GDAP2: variants seen among roughly 807,000 people sequenced by gnomAD.
GDAP2 encodes the protein ganglioside induced differentiation associated protein 2, also known as ganglioside-induced differentiation-associated protein 2.
GDAP2 carries 51 observed loss-of-function variants against 67.0 expected under a neutral mutation model. The observed-to-expected ratio is 0.76, with a 90% CI of 0.61 to 0.96. The LOEUF (loss-of-function observed/expected upper bound fraction) is 0.96, where lower values mean the gene tolerates loss of function less well. GDAP2 is among the 40% of genes least tolerant of loss of function. The pLI, the probability that GDAP2 is intolerant of heterozygous loss-of-function variation, is 0.00. For synonymous variants in GDAP2, 203 were observed against 207.3 expected, an observed-to-expected ratio of 0.98 and a Z score of 0.18; for missense variants, 547 against 588.3, an observed-to-expected ratio of 0.93 and a Z score of 0.73.
intron 9 of GDAP2, 67 bp from the exon 10 acceptor site, chr1:117,886,720 T>C (rs559792899): frequency 1.0e-4 from 85 of 836,800 alleles, no homozygotes; most frequent in Middle Eastern, 2.2e-4. Flanking sequence ...TCTTGGGCTC[T>C]GACTTTATAA....
intron 9 of GDAP2, 123 bp from the exon 10 acceptor site, chr1:117,886,776 T>C (rs532783334): frequency 4.9e-6 from 3 of 612,872 alleles, no homozygotes; most frequent in South Asian, 4.5e-5. Flanking sequence ...GAAGTATAAG[T>C]TGCTCAAATT....
chr1:117,873,720 C>G (rs1179117237), intron 13 of GDAP2, among the ~76,000 whole-genome samples: 2 of 152,152 alleles, frequency 1.3e-5, no homozygotes, highest in Non-Finnish European at 2.9e-5. Flanking sequence ...AATTGCTTCT[C>G]TGTGGTGGTA....
rs145768791 is a variant in GDAP2, at chr1:117,875,354, G to C, written c.1446+2655C>G. Among the ~76,000 whole-genome samples the C allele has an allele frequency of 1.5e-3, 223 of 152,338 alleles. 4 individuals carry two copies. In the East Asian group the frequency reaches 0.041, roughly 28 times the overall value. On this transcript the variant is annotated intron_variant, in intron 13 of 13. Coordinates refer to ENST00000369443, the MANE Select transcript of GDAP2 (RefSeq NM_017686.4). ...CAGCTCTGGAGGGTGCAAGCTATAA[G>C]CTTTGGTGGCTTCCATGTGGTGTTA...
rs543547225 is a variant in GDAP2 at position 117,868,695 on chromosome 1, T to C, written c.*1874A>G. 28 of 152,132 alleles carry C rather than the reference T, an allele frequency of 1.8e-4. No homozygotes were observed. The highest frequency in any genetic ancestry group is 6.3e-4 in the African/African-American group (26 of 41,526). 9.4% of individuals were successfully genotyped at this position (152,132 alleles called of 1,614,324 possible). On this transcript the variant is annotated 3_prime_UTR_variant, in exon 14 of 14. Coordinates refer to ENST00000369443, the MANE Select transcript of GDAP2 (RefSeq NM_017686.4). ...TCAAATATGATCTCACGATTGACTG[T>C]AGAAGATGAAGTTAAAGTTGCAGAC...
chr1:117,919,202 A>G (rs890285321), intron 2 of GDAP2, among the ~76,000 whole-genome samples: 2 of 152,112 alleles, frequency 1.3e-5, no homozygotes, highest in African/African-American at 4.8e-5. Context: ...GTGAAACCCC[A>G]TCTTTATTAA....
In GDAP2 at chr1:117,900,225, C is replaced by T. The variant is rs112328193; in HGVS notation, c.637-1009G>A. 3.0e-4 allele frequency among the ~76,000 whole-genome samples: 45 copies of T among 152,218 alleles called. No individual in the cohort carries two copies. In the East Asian group the frequency reaches 3.7e-3, roughly 12 times the overall value. On this transcript the variant is annotated intron_variant, in intron 6 of 13. Coordinates refer to ENST00000369443, the MANE Select transcript of GDAP2 (RefSeq NM_017686.4). ...CAAACTCCTGGACTCAAGCATTTTT[C>T]CCATCTCAACTTCCCAAGTAGCTGG...
Position 117,881,726 on chromosome 1 carries a change from G to A in GDAP2, c.1302+97C>T, listed in dbSNP as rs536877351. 1.7e-5 allele frequency: 13 copies of A among 746,632 alleles called. 1 individual carries two copies. Among genetic ancestry groups the A allele is most frequent in the South Asian group, 1.4e-4 (9 of 66,046 alleles). The allele number at this position is 746,632 out of a possible 1,614,324, so 46.3% of individuals were successfully genotyped here. A position where few individuals can be genotyped will look rare whatever the true frequency, so the allele number is the denominator to read the frequency against. On this transcript the variant is annotated intron_variant, in intron 12 of 13. Transcript: ENST00000369443. Reference sequence around the variant, plus strand: ...AACCAGGAAATTAGCAGTCACAATGGTGACAGCAACAATTAAGTTGCTGAG... The same window carrying A: ...AACCAGGAAATTAGCAGTCACAATGATGACAGCAACAATTAAGTTGCTGAG...
chr1:117,874,050 T>G (rs897638563), intron 13 of GDAP2, among the ~76,000 whole-genome samples: 1 of 152,218 alleles, frequency 6.6e-6, no homozygotes, highest in African/African-American at 2.4e-5. Flanking sequence ...CACTCTTCAC[T>G]GACTACAAAG....
rs1477488819 is a variant in GDAP2, at chr1:117,878,046, A to G, written c.1409T>C (p.Ile470Thr). Residue 470 changes from isoleucine to threonine, a missense_variant, in exon 13 of 14, where the codon ATT (isoleucine) becomes ACT (threonine). Ile to Thr is a moderately conservative substitution (Grantham distance 89). Transcript: ENST00000369443. ...TTCAAGGACAAAAGGAGGAAAGTCA[A>G]TCTGTTCTGGTGATATGGCAGAAAA... ...QLFSAISPEQIDFPPFVLEYD... is the reference protein window; with the variant it reads ...QLFSAISPEQTDFPPFVLEYD... 2.5e-6 allele frequency: 4 copies of G among 1,612,862 alleles called. No individual in the cohort carries two copies. The highest frequency in any genetic ancestry group is 1.1e-5 in the South Asian group (1 of 91,038).
At position 117,868,362 on chromosome 1, in the gene GDAP2, A is replaced by G. The variant is rs918870882; in HGVS notation, c.*2207T>C. The G allele has an allele frequency of 3.9e-5, 6 of 152,162 alleles. No individual in the cohort carries two copies. Among genetic ancestry groups the G allele is most frequent in the African/African-American group, 1.4e-4 (6 of 41,448 alleles). 9.4% of individuals were successfully genotyped at this position (152,162 alleles called of 1,614,324 possible). A position where few individuals can be genotyped will look rare whatever the true frequency, so the allele number is the denominator to read the frequency against. ...ATTATAAAACACAGTTGATATGTAT[A>G]TAGTTCTGTATCACCTTTATACCCT... On this transcript the variant is annotated 3_prime_UTR_variant, in exon 14 of 14. Coordinates refer to ENST00000369443, the MANE Select transcript of GDAP2 (RefSeq NM_017686.4).
At chr1:117,907,143 T>C (rs1272722873) in intron 5 of GDAP2, among the ~76,000 whole-genome samples, 8 of 152,208 alleles carry the variant, frequency 5.3e-5, no homozygotes. Flanking sequence ...TTCTTCTTTA[T>C]CAACTTCTAA....
intron 13 of GDAP2, chr1:117,877,344 C>T (rs1570964609): frequency 2.0e-6 from 2 of 980,140 alleles, no homozygotes; most frequent in Admixed American, 1.2e-4. Flanking sequence ...TAAAGATAAG[C>T]AATCAGCAAC....
At chr1:117,877,158 C>T in intron 13 of GDAP2, 3 of 277,160 alleles carry the variant, frequency 1.1e-5, no homozygotes, top group Non-Finnish European at 1.1e-5. Flanking sequence ...TCACATTATA[C>T]ACTTTACTCT....
At chr1:117,914,306 G>A (rs1020258915) in intron 3 of GDAP2, among the ~76,000 whole-genome samples, 1 of 152,094 alleles carries the variant, frequency 6.6e-6, no homozygotes, top group Non-Finnish European at 1.5e-5. Context: ...AACAGGAAAT[G>A]GCACTTATGT....
At chr1:117,875,932 C>T (rs764171999) in intron 13 of GDAP2, among the ~76,000 whole-genome samples, 15 of 152,070 alleles carry the variant, frequency 9.9e-5, no homozygotes, top group Admixed American at 3.3e-4. Flanking sequence ...AGGAACTTGC[C>T]TTGAGTCTCC....
intron 3 of GDAP2, among the ~76,000 whole-genome samples, chr1:117,913,142 A>G: frequency 6.6e-6 from 1 of 152,180 alleles, no homozygotes; most frequent in East Asian, 1.9e-4. Flanking sequence ...CCAATTTCCT[A>G]TTTAAGAGGG....
At chr1:117,916,447 A>C (rs1490075950) in intron 3 of GDAP2, among the ~76,000 whole-genome samples, 1 of 152,200 alleles carries the variant, frequency 6.6e-6, no homozygotes, top group East Asian at 1.9e-4. Flanking sequence ...TTTAGAATTT[A>C]AGTTTAATGA....
chr1:117,877,724 T>C, intron 13 of GDAP2: 3 of 1,123,968 alleles, frequency 2.7e-6, no homozygotes, highest in Non-Finnish European at 3.3e-6. Context: ...GGTATCTGTT[T>C]TAAATATGGT....
Position 117,929,597 on chromosome 1 carries a change from T to C in GDAP2, c.-217A>G, listed in dbSNP as rs573729712. ...GGAGACTGGAGTGACCAGCTGCAAA[T>C]GCTCTGGGCTGCGAAACACCGGCTT... On this transcript the variant is annotated 5_prime_UTR_variant, in exon 1 of 14. Coordinates refer to ENST00000369443, the MANE Select transcript of GDAP2 (RefSeq NM_017686.4). The C allele has an allele frequency of 2.0e-5, 3 of 152,380 alleles. No homozygotes were observed. Among genetic ancestry groups the C allele is most frequent in the East Asian group, 1.9e-4 (1 of 5,172 alleles). The allele number at this position is 152,380 out of a possible 1,614,324, so 9.4% of individuals were successfully genotyped here.
Sources: allele counts gnomAD v4.1 joint callset (sites outside exome capture counted in the v4.1 genomes callset), GRCh38; gene constraint gnomAD v4.1.1; transcripts MANE v1.5; gene names NCBI Gene and HGNC (gene_info 2026-07-23, HGNC 2026-07-21).